The following GPX5 variants were observed in gnomAD, a reference collection of about 807,000 sequenced individuals.
GPX5 encodes the protein glutathione peroxidase 5.
Under a neutral mutation model 23.8 loss-of-function variants are expected in GPX5, and 20 were observed. The observed-to-expected ratio is 0.84, with a 90% CI of 0.59 to 1.22. The LOEUF (loss-of-function observed/expected upper bound fraction) is 1.22. Among genes scored for constraint, GPX5 ranks in the 50% most tolerant of loss-of-function variants. The probability of loss-of-function intolerance (pLI) is 0.00; values close to 1 mark genes in which losing one functional copy is unlikely to be tolerated. For synonymous variants in GPX5, 92 were observed against 99.5 expected (o/e 0.92, Z 0.45); for missense variants, 230 against 266.6 (o/e 0.86, Z 0.96).
chr6:28,531,499 A>G (rs1295010320), intron 2 of GPX5, among the ~76,000 whole-genome samples: 2 of 152,094 alleles, frequency 1.3e-5, no homozygotes, highest in Non-Finnish European at 2.9e-5. Flanking sequence ...ACTCTCTGAA[A>G]TGGGACCTGG....
intron 2 of GPX5, 35 bp downstream of exon 2, chr6:28,529,639 A>G (rs1028061998): frequency 2.7e-6 from 4 of 1,495,988 alleles, no homozygotes; most frequent in Non-Finnish European, 3.6e-6. Context: ...CTTTGGGACT[A>G]AATTTTCCAG....
Position 28,531,764 on chromosome 6 carries a change from T to G in GPX5, c.242-14T>G. On this transcript the variant is annotated splice_polypyrimidine_tract_variant and intron_variant, in intron 2 of 4. Coordinates refer to ENST00000412168, the MANE Select transcript of GPX5 (RefSeq NM_001509.3). ...CCTCTACCTAGACCAAAATTGTTCC[T>G]CCTCTAACTGCAGAACTAAATGCAC... The G allele has an allele frequency of 6.4e-7, 1 of 1,565,418 alleles. No individual in the cohort carries two copies. Among genetic ancestry groups the G allele is most frequent in the Non-Finnish European group, 8.7e-7 (1 of 1,143,214 alleles).
At chr6:28,528,665 A>G (rs1763250540) in intron 1 of GPX5, 2 of 151,924 alleles carry the variant, frequency 1.3e-5, no homozygotes, top group Non-Finnish European at 2.9e-5. Context: ...ATCCCAGCTT[A>G]TGAATCAATA....
In GPX5 at chr6:28,529,590, C is replaced by T; in HGVS notation, c.227C>T (p.Thr76Ile). ...FVNVATYCGLTAQYPELNALQ... is the reference protein window; with the variant it reads ...FVNVATYCGLIAQYPELNALQ... ...AACGTGGCCACCTACTGTGGTCTGA[C>T]AGCGCAATATCCTGGTAAGAGAATT... The change falls in exon 2 of 5, where the codon ACA becomes ATA. Residue 76 changes from threonine to isoleucine, a missense_variant. Coordinates refer to ENST00000412168, the MANE Select transcript of GPX5 (RefSeq NM_001509.3). The T allele has an allele frequency of 6.2e-7, 1 of 1,609,834 alleles. No individual in the cohort carries two copies. The highest frequency in any genetic ancestry group is 8.5e-7 in the Non-Finnish European group (1 of 1,177,260).
Position 28,531,787 on chromosome 6 carries a change from C to T in GPX5, c.251C>T (p.Ala84Val). Reference sequence around the variant, plus strand: ...CCTCCTCTAACTGCAGAACTAAATGCACTCCAGGAGGAGCTGAAGCCCTAT... The same window carrying T: ...CCTCCTCTAACTGCAGAACTAAATGTACTCCAGGAGGAGCTGAAGCCCTAT... ...GLTAQYPELNALQEELKPYGL... is the reference protein window; with the variant it reads ...GLTAQYPELNVLQEELKPYGL... Residue 84 changes from alanine (A) to valine (V), a missense_variant, in exon 3 of 5, where the codon GCA (alanine) becomes GTA (valine). By Grantham distance (64) the Ala-to-Val change is moderately conservative (BLOSUM62 0). Transcript: ENST00000412168. 1 of 1,606,490 alleles carries T rather than the reference C, an allele frequency of 6.2e-7. No individual in the cohort carries two copies. The highest frequency in any genetic ancestry group is 8.5e-7 in the Non-Finnish European group (1 of 1,176,072).
chr6:28,532,835 C>A (rs530857907), intron 4 of GPX5, among the ~76,000 whole-genome samples: 1 of 152,250 alleles, frequency 6.6e-6, no homozygotes, highest in Non-Finnish European at 1.5e-5. Context: ...AGCTATGTAG[C>A]TGGGGTGGTG....
At chr6:28,532,283 A>G (rs1387389234) in intron 3 of GPX5, 38 bp from the exon 4 acceptor site, 1 of 1,248,252 alleles carries the variant, frequency 8.0e-7, no homozygotes, top group African/African-American at 1.5e-5. Context: ...TTACTTGCAT[A>G]TCCTGGAGCT....
At chr6:28,526,984 G>C (rs1002920991) in intron 1 of GPX5, 4 of 152,176 alleles carry the variant, frequency 2.6e-5, no homozygotes, top group South Asian at 2.1e-4. Context: ...ATAACATCCT[G>C]GGTGAACTTC....
At chr6:28,529,427 T>C (rs1416602447) in intron 1 of GPX5, 24 bp from the exon 2 acceptor site, 1 of 1,587,744 alleles carries the variant, frequency 6.3e-7, no homozygotes, top group Non-Finnish European at 8.6e-7. Flanking sequence ...TTACCAGTAT[T>C]ATCACTTAAA....
At chr6:28,526,689 CAT>C (rs769682371) in intron 1 of GPX5, among the ~76,000 whole-genome samples, 4 of 152,096 alleles carry the variant, frequency 2.6e-5, no homozygotes, top group South Asian at 2.1e-4. Context: ...TGATAAGACA[CAT>C]GTGTCTGGCA....
chr6:28,527,095 A>T (rs1283746514), intron 1 of GPX5: 1 of 152,218 alleles, frequency 6.6e-6, no homozygotes, highest in Non-Finnish European at 1.5e-5. Context: ...GCGTCTAGAG[A>T]TAATTGAGAC....
chr6:28,533,873 AG>A (rs1335474177), intron 4 of GPX5, 87 bp from the exon 5 acceptor site: 2 of 757,496 alleles, frequency 2.6e-6, no homozygotes, highest in East Asian at 2.7e-5. Flanking sequence ...TAGGTATAGG[AG>A]GGGGTGGATT....
At chr6:28,529,391 G>T (rs1390958138) in intron 1 of GPX5, 60 bp from the exon 2 acceptor site, 1 of 1,355,714 alleles carries the variant, frequency 7.4e-7, no homozygotes, top group African/African-American at 1.5e-5. Flanking sequence ...TTCTTTGAAA[G>T]ATTACACAGA....
Position 28,534,304 on chromosome 6 carries a change from C to G in GPX5, c.*137C>G, listed in dbSNP as rs1047506303. 1.7e-5 allele frequency: 9 copies of G among 523,896 alleles called. No homozygotes were observed. Among genetic ancestry groups the G allele is most frequent in the African/African-American group, 3.9e-5 (2 of 51,382 alleles). The allele number at this position is 523,896 out of a possible 1,614,324, so 32.5% of individuals were successfully genotyped here. On this transcript the variant is annotated 3_prime_UTR_variant, in exon 5 of 5. Coordinates refer to ENST00000412168, the MANE Select transcript of GPX5 (RefSeq NM_001509.3). ...GGGCTCCACCTGAGTAAATCACCGC[C>G]ACATACTGCCAGAATTCCCACTCTC...
At position 28,534,091 on chromosome 6, in the gene GPX5, G is replaced by A. The variant is rs753024954; in HGVS notation, c.590G>A (p.Arg197His). 37 of 1,611,984 alleles carry A rather than the reference G, an allele frequency of 2.3e-5. No individual in the cohort carries two copies. The highest frequency in any genetic ancestry group is 3.3e-4 in the Middle Eastern group (2 of 6,064). Reference sequence around the variant, plus strand: ...GGGCCTGATGGAATCCCTGTCATGCGCTGGTCCCACCGGGCTACGGTCAGC... The same window carrying A: ...GGGCCTGATGGAATCCCTGTCATGCACTGGTCCCACCGGGCTACGGTCAGC... ...LVGPDGIPVM[R>H]WSHRATVSSV... is the part of the protein sequence containing the mutation. Residue 197 changes from arginine (R) to histidine (H), a missense_variant, in exon 5 of 5, where the codon CGC becomes CAC. Coordinates refer to ENST00000412168, the MANE Select transcript of GPX5 (RefSeq NM_001509.3).
chr6:28,527,574 A>G (rs1413419578), intron 1 of GPX5: 1 of 152,180 alleles, frequency 6.6e-6, no homozygotes, highest in Non-Finnish European at 1.5e-5. Context: ...TGTTCAACCA[A>G]AATCCTTACT....
chr6:28,525,926 T>A lies in GPX5; in HGVS notation c.-88T>A. On this transcript the variant is annotated 5_prime_UTR_variant, in exon 1 of 5. Coordinates refer to ENST00000412168, the MANE Select transcript of GPX5 (RefSeq NM_001509.3). The stretch of plus-strand genomic sequence containing the variant: ...GCCCTGTGACTGGCCTGTGGGGGCT[T>A]GGGCTAAGTCCCTGCCAAGATACCA... 1.0e-6 allele frequency: 1 copy of A among 959,456 alleles called. No homozygotes were observed. Among genetic ancestry groups the A allele is most frequent in the Admixed American group, 1.8e-5 (1 of 56,668 alleles). 59.4% of individuals were successfully genotyped at this position (959,456 alleles called of 1,614,324 possible). A position where few individuals can be genotyped will look rare whatever the true frequency, so the allele number is the denominator to read the frequency against.
In GPX5 at chr6:28,529,450, G is replaced by A; in HGVS notation, c.88-1G>A. ...ATTATCACTTAAAAAAAATCTTCCAGATGGATTGCCACAAAGACGAGAAAG... is the reference window on the plus strand; with the variant it reads ...ATTATCACTTAAAAAAAATCTTCCAAATGGATTGCCACAAAGACGAGAAAG... On this transcript the variant is annotated splice_acceptor_variant, in intron 1 of 4. Transcript: ENST00000412168. LOFTEE classifies it high-confidence loss of function. 1 of 1,603,058 alleles carries A rather than the reference G, an allele frequency of 6.2e-7. No homozygotes were observed. Among genetic ancestry groups the A allele is most frequent in the Non-Finnish European group, 8.5e-7 (1 of 1,174,540 alleles).
At chr6:28,531,044 C>T (rs1763301432) in intron 2 of GPX5, among the ~76,000 whole-genome samples, 1 of 152,134 alleles carries the variant, frequency 6.6e-6, no homozygotes, top group Admixed American at 6.6e-5. Flanking sequence ...AATGCATCTT[C>T]AGCATCTTAA....
Sources: allele counts gnomAD v4.1 joint callset (sites outside exome capture counted in the v4.1 genomes callset), GRCh38; gene constraint gnomAD v4.1.1; transcripts MANE v1.5; gene names NCBI Gene and HGNC (gene_info 2026-07-23, HGNC 2026-07-21).